The following DNAH14 variants were observed in gnomAD, a reference collection of about 807,000 sequenced individuals.
DNAH14 encodes dynein axonemal heavy chain 14, also known as axonemal beta dynein heavy chain 14.
DNAH14 carries 478 observed loss-of-function variants against 520.9 expected under a neutral mutation model. The observed-to-expected ratio is 0.92, with a 90% confidence interval of 0.85 to 0.99. The LOEUF is 0.99. Ranked by LOEUF, DNAH14 falls within the 50% of genes least tolerant of loss-of-function variation. The pLI is 0.00. For missense variants in DNAH14, 4,831 were observed against 5,234.5 expected (o/e 0.92, Z 2.38); for synonymous variants, 1,581 against 1,757.2 (o/e 0.90, Z 2.51).
At chr1:224,997,442 G>T (rs927512025) in intron 8 of DNAH14, among the ~76,000 whole-genome samples, 8 of 151,010 alleles carry the variant, frequency 5.3e-5, no homozygotes, top group East Asian at 3.9e-4. Context: ...TTTTTTGTTT[G>T]TTTGTTTGTT....
intron 52 of DNAH14, among the ~76,000 whole-genome samples, chr1:225,273,950 A>G (rs1035604528): frequency 2.0e-5 from 3 of 152,128 alleles, no homozygotes; most frequent in Non-Finnish European, 2.9e-5. Flanking sequence ...GGTGGTGCCA[A>G]CTTCATTCTT....
chr1:225,215,854 G>A (rs1007759731), intron 41 of DNAH14, among the ~76,000 whole-genome samples: 1 of 152,078 alleles, frequency 6.6e-6, no homozygotes, highest in East Asian at 1.9e-4. Flanking sequence ...TATCCAATTT[G>A]CCAGTCTCTG....
chr1:224,997,655 A>G (rs2063484395), intron 8 of DNAH14, among the ~76,000 whole-genome samples: 1 of 152,096 alleles, frequency 6.6e-6, no homozygotes, highest in South Asian at 2.1e-4. Context: ...AACATTTGGT[A>G]GAAATGTCCA....
At chr1:225,249,302 A>G (rs1430582668) in intron 43 of DNAH14, among the ~76,000 whole-genome samples, 1 of 152,226 alleles carries the variant, frequency 6.6e-6, no homozygotes, top group Non-Finnish European at 1.5e-5. Context: ...TTAAACAAAT[A>G]GTAATCCCAG....
Position 225,274,194 on chromosome 1 carries a change from G to GTTTTTTTTTTTTTTTTTTTTT in DNAH14, c.8010+1071_8010+1072insTTTTTTTTTTTTTTTTTTTTT, listed in dbSNP as rs1193834939. Among the ~76,000 whole-genome samples, 24 of 120,334 alleles carry GTTTTTTTTTTTTTTTTTTTTT rather than the reference G, an allele frequency of 2.0e-4. 4 individuals are homozygous for GTTTTTTTTTTTTTTTTTTTTT. The highest frequency in any genetic ancestry group is 5.1e-4 in the African/African-American group (15 of 29,396). 78.9% of individuals were successfully genotyped at this position (120,334 alleles called of 152,430 possible). ...TTTCTCTGCATCCTCACCAGCATCT[G>GTTTTTTTTTTTTTTTTTTTTT]TTATTTTTTTTTTTTTTTTTTTTTT... On this transcript the variant is annotated intron_variant, in intron 52 of 85. Coordinates refer to ENST00000682510, the MANE Select transcript of DNAH14 (RefSeq NM_001367479.1).
At chr1:225,222,549 CTTAT>C (rs995588056) in intron 41 of DNAH14, among the ~76,000 whole-genome samples, 1 of 152,124 alleles carries the variant, frequency 6.6e-6, no homozygotes, top group Non-Finnish European at 1.5e-5. Flanking sequence ...CTTTTATTCC[CTTAT>C]TTGTCCCTGC....
intron 55 of DNAH14, 97 bp downstream of exon 55, chr1:225,290,179 A>G (rs899626193): frequency 6.9e-6 from 6 of 872,654 alleles, no homozygotes; most frequent in Middle Eastern, 3.8e-4. Context: ...ACAAGAAAAT[A>G]TTTATCAATG....
intron 62 of DNAH14, among the ~76,000 whole-genome samples, chr1:225,323,889 C>T (rs1411110956): frequency 6.6e-6 from 1 of 152,156 alleles, no homozygotes; most frequent in Non-Finnish European, 1.5e-5. Context: ...GATCTTGGCT[C>T]ACTGCAACCT....
chr1:225,133,965 G>A (rs567179756), intron 27 of DNAH14, among the ~76,000 whole-genome samples: 1 of 152,098 alleles, frequency 6.6e-6, no homozygotes, highest in East Asian at 1.9e-4. Context: ...GTAATTCCTA[G>A]GTATTTTATT....
intron 41 of DNAH14, among the ~76,000 whole-genome samples, chr1:225,219,586 C>T (rs759415098): frequency 1.6e-4 from 25 of 152,080 alleles, no homozygotes; most frequent in African/African-American, 2.7e-4. Flanking sequence ...TGGAGACATA[C>T]GCTCTTCCAA....
intron 3 of DNAH14, among the ~76,000 whole-genome samples, chr1:224,958,573 G>C (rs548989869): frequency 9.9e-5 from 15 of 152,188 alleles, no homozygotes; most frequent in African/African-American, 3.4e-4. Context: ...GAAAGGAATG[G>C]GGCAATGGAC....
intron 73 of DNAH14, among the ~76,000 whole-genome samples, chr1:225,355,547 A>C (rs2095419897): frequency 1.3e-5 from 2 of 152,200 alleles, no homozygotes; most frequent in Non-Finnish European, 2.9e-5. Flanking sequence ...CCACCTCTTA[A>C]TACTAACACA....
chr1:225,325,201 T>C (rs995104128), intron 64 of DNAH14, among the ~76,000 whole-genome samples: 4 of 151,732 alleles, frequency 2.6e-5, no homozygotes, highest in Admixed American at 2.6e-4. Flanking sequence ...AAAACTGTAC[T>C]TTATTGGGCA....
intron 23 of DNAH14, among the ~76,000 whole-genome samples, chr1:225,105,687 T>TA (rs1458582597): frequency 6.6e-6 from 1 of 152,148 alleles, no homozygotes; most frequent in Non-Finnish European, 1.5e-5. Context: ...AAGTCTGTTT[T>TA]ATCAGAGACT....
chr1:224,983,827 C>T (rs182047925), intron 8 of DNAH14, among the ~76,000 whole-genome samples: 176 of 152,070 alleles, frequency 1.2e-3, no homozygotes, highest in African/African-American at 3.8e-3. Flanking sequence ...TATGAATATA[C>T]CTAACAAAGG....
intron 36 of DNAH14, among the ~76,000 whole-genome samples, chr1:225,183,428 G>A (rs1371425253): frequency 6.6e-6 from 1 of 152,222 alleles, no homozygotes; most frequent in African/African-American, 2.4e-5. Context: ...TAAGAGGAAA[G>A]TTTATAGCAC....
intron 43 of DNAH14, among the ~76,000 whole-genome samples, chr1:225,242,805 C>T (rs674025): frequency 6.6e-6 from 1 of 152,076 alleles, no homozygotes; most frequent in Non-Finnish European, 1.5e-5. Context: ...ACACCAGCAT[C>T]ACCACAAAGA....
At chr1:225,248,366 ACAAAAT>A (rs1343960017) in intron 43 of DNAH14, among the ~76,000 whole-genome samples, 2 of 152,204 alleles carry the variant, frequency 1.3e-5, no homozygotes, top group African/African-American at 2.4e-5. Context: ...TATTAAAAAG[ACAAAAT>A]CAAAATTATA....
At chr1:225,375,630 A>G (rs2095687781) in intron 78 of DNAH14, among the ~76,000 whole-genome samples, 2 of 152,196 alleles carry the variant, frequency 1.3e-5, no homozygotes, top group African/African-American at 4.8e-5. Flanking sequence ...AGGGAGATTC[A>G]TTTGTAAGGC....
Sources: gnomAD v4.1 joint callset for allele counts (sites outside exome capture counted in the v4.1 genomes callset) on GRCh38, gnomAD v4.1.1 for gene constraint, MANE v1.5 for transcripts, NCBI Gene and HGNC (gene_info 2026-07-23, HGNC 2026-07-21) for gene names.